Variants in SYNE2 observed in about 807,000 individuals in gnomAD.
SYNE2 encodes spectrin repeat containing nuclear envelope protein 2.
SYNE2 carries 431 observed loss-of-function variants against 856.3 expected under a neutral mutation model. That is an observed-to-expected ratio of 0.50 (90% CI 0.47 to 0.55). The LOEUF (loss-of-function observed/expected upper bound fraction) is 0.55, where lower values mean the gene tolerates loss of function less well. SYNE2 is among the 20% of genes least tolerant of loss of function. The pLI is 0.00. For missense variants in SYNE2, 8,129 were observed against 8,023.2 expected (o/e 1.01, Z -0.50); for synonymous variants, 2,923 against 2,872.3 (o/e 1.02, Z -0.56).
chr14:64,115,151 CGTT>C (rs1167616929), intron 66 of SYNE2, among the ~76,000 whole-genome samples: 1 of 152,204 alleles, frequency 6.6e-6, no homozygotes, highest in Non-Finnish European at 1.5e-5. Flanking sequence ...TATGCCAACT[CGTT>C]GATTATCACC....
chr14:64,081,531 C>T lies in SYNE2; in HGVS notation c.11435C>T (p.Ala3812Val). 1 of 1,614,178 alleles carries T rather than the reference C, an allele frequency of 6.2e-7. No homozygotes were observed. The highest frequency in any genetic ancestry group is 8.5e-7 in the Non-Finnish European group (1 of 1,180,012). The change falls in exon 57 of 116, where the codon GCT becomes GTT. Residue 3812 changes from alanine to valine, a missense_variant. Ala to Val is a moderately conservative substitution (Grantham distance 64). This residue lies in a region of SYNE2 where 5,410 missense variants were observed against 5,284.8 expected (regional missense o/e 1.02). Transcript: ENST00000555002. ...ENTSHLLANPADYDSLRTLSH... is the reference protein window; with the variant it reads ...ENTSHLLANPVDYDSLRTLSH... ...ACCAGTCATTTGCTGGCCAATCCTG[C>T]TGACTATGACTCTTTGAGGACACTG...
chr14:64,106,673 T>C (rs7147366), intron 64 of SYNE2, among the ~76,000 whole-genome samples: 7,218 of 152,274 alleles, frequency 0.047, 566 homozygotes, highest in African/African-American at 0.16. Flanking sequence ...ACACTATGTG[T>C]AATAGTTATC....
At chr14:64,083,684 T>C (rs1333810290) in intron 57 of SYNE2, among the ~76,000 whole-genome samples, 1 of 152,194 alleles carries the variant, frequency 6.6e-6, no homozygotes, top group Non-Finnish European at 1.5e-5. Context: ...AATCTTACTT[T>C]TAGGATGCCC....
At chr14:63,904,793 C>T (rs772262380) in intron 1 of SYNE2, among the ~76,000 whole-genome samples, 2 of 151,862 alleles carry the variant, frequency 1.3e-5, no homozygotes, top group East Asian at 3.9e-4. Flanking sequence ...TCTTTTGCTG[C>T]GCAGGAACTC....
chr14:63,895,473 C>T (rs1381002982), intron 1 of SYNE2, among the ~76,000 whole-genome samples: 3 of 150,974 alleles, frequency 2.0e-5, no homozygotes, highest in Admixed American at 1.3e-4. Flanking sequence ...ACATTTGTGG[C>T]CCAGGAAGGG....
At chr14:63,942,861 C>T (rs1278126602) in intron 6 of SYNE2, among the ~76,000 whole-genome samples, 1 of 152,106 alleles carries the variant, frequency 6.6e-6, no homozygotes, top group Non-Finnish European at 1.5e-5. Flanking sequence ...ACATTCCTGA[C>T]CTCAGGTGAT....
intron 105 of SYNE2, chr14:64,213,991 T>C (rs1257110663): frequency 3.6e-6 from 1 of 279,872 alleles, no homozygotes; most frequent in African/African-American, 2.3e-5. Context: ...TTTGGGAAAA[T>C]AACAGATTTT....
chr14:64,085,130 TG>T (rs2097550994), intron 57 of SYNE2: 3 of 636,984 alleles, frequency 4.7e-6, no homozygotes, highest in Non-Finnish European at 8.5e-6. Context: ...TGGAGTGCAG[TG>T]GCACAATGTC....
Position 63,997,167 on chromosome 14 carries a change from T to C in SYNE2, c.3152+9T>C, listed in dbSNP as rs2096719929. The C allele has an allele frequency of 4.3e-6, 7 of 1,611,860 alleles. No homozygotes were observed. Among genetic ancestry groups the C allele is most frequent in the Non-Finnish European group, 5.9e-6 (7 of 1,178,188 alleles). The stretch of plus-strand genomic sequence containing the variant: ...GGCACGTCGAAAAACGAGTTAGTAC[T>C]TCATAAGAATAGCTACCCTTCAGGA... On this transcript the variant is annotated intron_variant, in intron 24 of 115. Coordinates refer to ENST00000555002, the MANE Select transcript of SYNE2 (RefSeq NM_182914.3).
At chr14:64,026,543 CAAATGACAT>C in intron 41 of SYNE2, 27 bp from the exon 42 acceptor site, 1 of 1,554,656 alleles carries the variant, frequency 6.4e-7, no homozygotes, top group Middle Eastern at 2.0e-4. Flanking sequence ...CTAAGTAATG[CAAATGACAT>C]TATAAAATCT....
chr14:64,160,961 GA>G (rs917481977), intron 87 of SYNE2, among the ~76,000 whole-genome samples: 11 of 150,380 alleles, frequency 7.3e-5, no homozygotes, highest in Admixed American at 3.3e-4. Context: ...AGGAAACAAA[GA>G]AAAAAAAACC....
At chr14:63,831,947 C>T (rs1170515648) in intron 1 of SYNE2, among the ~76,000 whole-genome samples, 1 of 151,656 alleles carries the variant, frequency 6.6e-6, no homozygotes, top group African/African-American at 2.4e-5. Context: ...TTTTAAATTT[C>T]AATATTCAAG....
intron 2 of SYNE2, among the ~76,000 whole-genome samples, chr14:63,912,634 G>A (rs1163767827): frequency 6.6e-6 from 1 of 152,182 alleles, no homozygotes; most frequent in African/African-American, 2.4e-5. Context: ...TATAAAGCCT[G>A]CTTTATTTTA....
rs935903594 is a variant in SYNE2, at chr14:63,961,550, A to G, written c.813A>G (p.Glu271=). 8.1e-6 allele frequency: 13 copies of G among 1,613,918 alleles called. No individual in the cohort carries two copies. In the East Asian group the frequency reaches 8.9e-5, roughly 11 times the overall value. The change falls in exon 9 of 116, where the codon GAA becomes GAG. Residue 271 remains glutamate (E), a synonymous_variant. Coordinates refer to ENST00000555002, the MANE Select transcript of SYNE2 (RefSeq NM_182914.3). ...ATGTGGATGTTGTTGATCCTGATGA[A>G]AAGTCCATCATGACCTATGTGGCAC... ...PEDVDVVDPD[E]KSIMTYVAQF...
Position 63,995,058 on chromosome 14 carries a change from A to G in SYNE2, c.2796A>G (p.Glu932=), listed in dbSNP as rs1162315130. The change falls in exon 23 of 116, where the codon GAA becomes GAG. Residue 932 remains glutamate, a synonymous_variant. Transcript: ENST00000555002. The part of the protein sequence containing the change: ...VCAKWESLHH[E]LSLYVQQLKI... ...TTTTTTTGTAGTCTCTTCATCATGAACTGTCTTTATATGTTCAACAACTAA... is the reference window on the plus strand; with the variant it reads ...TTTTTTTGTAGTCTCTTCATCATGAGCTGTCTTTATATGTTCAACAACTAA... The G allele has an allele frequency of 3.4e-5, 53 of 1,548,976 alleles. No individual in the cohort carries two copies. The highest frequency in any genetic ancestry group is 4.6e-5 in the Non-Finnish European group (52 of 1,130,704).
intron 57 of SYNE2, among the ~76,000 whole-genome samples, chr14:64,083,079 C>G (rs2097536085): frequency 6.6e-6 from 1 of 152,098 alleles, no homozygotes; most frequent in Admixed American, 6.6e-5. Flanking sequence ...TGATTCAGCT[C>G]CTTTTTTTAT....
At chr14:64,177,536 A>G in intron 96 of SYNE2, 53 bp downstream of exon 96, 2 of 1,611,526 alleles carry the variant, frequency 1.2e-6, no homozygotes, top group Non-Finnish European at 1.7e-6. Flanking sequence ...TTTTCTGAGT[A>G]CTTTGAAGTG....
intron 36 of SYNE2, 32 bp downstream of exon 36, chr14:64,021,547 A>C (rs1405938560): frequency 1.2e-6 from 2 of 1,610,670 alleles, no homozygotes. Context: ...TCTGTGGTTC[A>C]GATTTATTTT....
chr14:63,796,745 C>A (rs1382633920), intron 1 of SYNE2, among the ~76,000 whole-genome samples: 4 of 151,474 alleles, frequency 2.6e-5, no homozygotes, highest in African/African-American at 9.7e-5. Context: ...GATTTCAAGG[C>A]TGCAGAGCAC....
Sources: allele counts gnomAD v4.1 joint callset (sites outside exome capture counted in the v4.1 genomes callset), GRCh38; gene constraint gnomAD v4.1.1; regional missense constraint gnomAD v4.1.1; transcripts MANE v1.5; gene names NCBI Gene and HGNC (gene_info 2026-07-23, HGNC 2026-07-21).